MSI2: variants seen among roughly 807,000 people sequenced by gnomAD.
MSI2 encodes RNA-binding protein Musashi homolog 2.
A neutral mutation model predicts 45.6 loss-of-function variants in MSI2; 17 were observed. The ratio of observed to expected loss-of-function variants is 0.37; its 90% confidence interval spans 0.26 to 0.56. The LOEUF (loss-of-function observed/expected upper bound fraction) is 0.56. MSI2 is among the 20% of genes least tolerant of loss of function. The pLI, the probability that MSI2 is intolerant of heterozygous loss-of-function variation, is 0.77. For missense variants in MSI2, 293 were observed against 444.2 expected (o/e 0.66, Z 3.06); for synonymous variants, 156 against 158.2 (o/e 0.99, Z 0.11).
At chr17:57,543,537 A>T (rs1383777998) in intron 7 of MSI2, among the ~76,000 whole-genome samples, 2 of 152,112 alleles carry the variant, frequency 1.3e-5, no homozygotes, top group African/African-American at 4.8e-5. Context: ...CGAGTTCTAA[A>T]TTTCCTCCCC....
intron 5 of MSI2, among the ~76,000 whole-genome samples, chr17:57,281,158 TG>T (rs1172156815): frequency 6.6e-6 from 1 of 152,068 alleles, no homozygotes; most frequent in Non-Finnish European, 1.5e-5. Flanking sequence ...CTAGTCTGTG[TG>T]TGCTCAACCT....
At chr17:57,588,155 G>A (rs1310702337) in intron 7 of MSI2, among the ~76,000 whole-genome samples, 3 of 152,054 alleles carry the variant, frequency 2.0e-5, no homozygotes, top group Non-Finnish European at 4.4e-5. Context: ...GTGCTAAGAG[G>A]GCATGCCAGC....
At chr17:57,404,430 G>A (rs1319180686) in intron 6 of MSI2, among the ~76,000 whole-genome samples, 2 of 152,208 alleles carry the variant, frequency 1.3e-5, no homozygotes, top group Non-Finnish European at 1.5e-5. Flanking sequence ...TTTTACCTGT[G>A]CAGCAGATAT....
In MSI2 at chr17:57,682,318, C is replaced by CCCG. The variant is rs1555643221; in HGVS notation, c.*2803_*2804insGCC. On this transcript the variant is annotated 3_prime_UTR_variant, in exon 14 of 14. Transcript: ENST00000284073. ...GCGGACTCTACGGCGTTTTGTAGAT[C>CCCG]CCCCCCCCCCCACCCACTGTGAAGG... 1.8e-5 allele frequency: 1 copy of CCCG among 55,104 alleles called. No individual in the cohort carries two copies. 3.4% of individuals were successfully genotyped at this position (55,104 alleles called of 1,614,324 possible).
At chr17:57,501,264 C>T (rs1015127705) in intron 6 of MSI2, among the ~76,000 whole-genome samples, 4 of 152,202 alleles carry the variant, frequency 2.6e-5, no homozygotes, top group Admixed American at 6.5e-5. Flanking sequence ...TCTGGAGGAA[C>T]GGCTTGACTC....
intron 5 of MSI2, among the ~76,000 whole-genome samples, chr17:57,284,534 T>A (rs761940470): frequency 1.4e-4 from 22 of 152,208 alleles, no homozygotes; most frequent in Non-Finnish European, 2.6e-4. Context: ...ATATATATAT[T>A]TTTAAGTGAA....
intron 5 of MSI2, among the ~76,000 whole-genome samples, chr17:57,385,450 G>A (rs1187089395): frequency 1.3e-5 from 2 of 152,024 alleles, no homozygotes; most frequent in East Asian, 1.9e-4. Flanking sequence ...CTGCTCATTC[G>A]AGACGAGCCT....
intron 5 of MSI2, among the ~76,000 whole-genome samples, chr17:57,356,865 G>GA (rs921450901): frequency 1.6e-4 from 24 of 149,952 alleles, no homozygotes; most frequent in East Asian, 3.9e-4. Flanking sequence ...GCTAATTTAA[G>GA]AAAAAAAAAA....
intron 7 of MSI2, chr17:57,565,945 G>A (rs1251457815): frequency 6.6e-6 from 1 of 152,196 alleles, no homozygotes; most frequent in Non-Finnish European, 1.5e-5. Flanking sequence ...TTTACGAAGA[G>A]CAAATGGAAG....
intron 5 of MSI2, among the ~76,000 whole-genome samples, chr17:57,353,431 C>G (rs1447235570): frequency 6.6e-6 from 1 of 152,170 alleles, no homozygotes; most frequent in Non-Finnish European, 1.5e-5. Context: ...CAGGAGGACA[C>G]AAGGCTAAAG....
At chr17:57,308,936 C>T (rs1046589551) in intron 5 of MSI2, among the ~76,000 whole-genome samples, 2 of 152,166 alleles carry the variant, frequency 1.3e-5, no homozygotes, top group Admixed American at 6.6e-5. Flanking sequence ...ATGGAGGAAA[C>T]TGAGTTCAGT....
chr17:57,693,415 A>ACCTGCC, the MSI2 span, among the ~76,000 whole-genome samples: 79 of 85,984 alleles, frequency 9.2e-4, no homozygotes, highest in African/African-American at 4.4e-3. Flanking sequence ...CTCCTGGCCC[A>ACCTGCC]CCTGCCTCTG....
intron 7 of MSI2, among the ~76,000 whole-genome samples, chr17:57,540,975 G>C (rs953175797): frequency 4.6e-5 from 7 of 152,048 alleles, no homozygotes; most frequent in Admixed American, 1.3e-4. Flanking sequence ...TTCTCGCTCT[G>C]TGCCTTGCTA....
intron 5 of MSI2, among the ~76,000 whole-genome samples, chr17:57,359,863 A>G (rs1053104294): frequency 2.6e-5 from 4 of 152,262 alleles, no homozygotes; most frequent in South Asian, 4.1e-4. Context: ...CCTGTCACCC[A>G]CTATGCTGAG....
chr17:57,553,025 T>C (rs2087341994), intron 7 of MSI2, among the ~76,000 whole-genome samples: 1 of 152,128 alleles, frequency 6.6e-6, no homozygotes, highest in African/African-American at 2.4e-5. Flanking sequence ...GAAATTTTTG[T>C]TGTTGTTTTG....
At chr17:57,257,433 C>A (rs758857571) in intron 2 of MSI2, 33 bp from the exon 3 acceptor site, 11 of 874,794 alleles carry the variant, frequency 1.3e-5, no homozygotes, top group Non-Finnish European at 1.7e-5. Context: ...CACCTTCTCT[C>A]CCCCCCCCAT....
At chr17:57,330,170 T>G (rs1914123691) in intron 5 of MSI2, among the ~76,000 whole-genome samples, 1 of 152,222 alleles carries the variant, frequency 6.6e-6, no homozygotes, top group South Asian at 2.1e-4. Flanking sequence ...TCAGCACTGC[T>G]GCTGTTTTTA....
chr17:57,566,257 T>C (rs1005045603), intron 7 of MSI2, among the ~76,000 whole-genome samples: 8 of 152,218 alleles, frequency 5.3e-5, no homozygotes, highest in Admixed American at 1.3e-4. Context: ...TAATACATAC[T>C]TGAGGCTTAA....
chr17:57,393,044 C>A (rs529097816), intron 5 of MSI2, among the ~76,000 whole-genome samples: 13 of 152,150 alleles, frequency 8.5e-5, no homozygotes, highest in African/African-American at 2.9e-4. Flanking sequence ...AGCCATCACT[C>A]CCTCCCTCTC....
Sources: gnomAD v4.1 joint callset for allele counts (sites outside exome capture counted in the v4.1 genomes callset) on GRCh38, gnomAD v4.1.1 for gene constraint, MANE v1.5 for transcripts, NCBI Gene and HGNC (gene_info 2026-07-23, HGNC 2026-07-21) for gene names.